Variants in WDFY2 observed in about 807,000 individuals in gnomAD.
WDFY2 encodes the protein WD repeat and FYVE domain containing 2, also known as WD repeat and FYVE domain-containing protein 2.
In WDFY2, 36 loss-of-function variants were observed where a neutral mutation model predicts 56.4. The observed-to-expected ratio is 0.64, with a 90% CI of 0.49 to 0.84. WDFY2 has a LOEUF of 0.84. Among genes scored for constraint, WDFY2 ranks in the 40% least tolerant of loss-of-function variants. The pLI is 0.00. For synonymous variants in WDFY2, 176 were observed against 183.7 expected (o/e 0.96, Z 0.34); for missense variants, 444 against 512.2 (o/e 0.87, Z 1.29).
chr13:51,715,438 T>A (rs1196513304), intron 4 of WDFY2, among the ~76,000 whole-genome samples: 2 of 152,130 alleles, frequency 1.3e-5, no homozygotes, highest in African/African-American at 4.8e-5. Flanking sequence ...CTAGGCCTAC[T>A]TAGGGTCAGG....
intron 1 of WDFY2, among the ~76,000 whole-genome samples, chr13:51,648,687 T>C (rs1179682171): frequency 6.6e-6 from 1 of 152,198 alleles, no homozygotes; most frequent in Non-Finnish European, 1.5e-5. Flanking sequence ...CTTATACCTA[T>C]GTAACAAACC....
intron 1 of WDFY2, among the ~76,000 whole-genome samples, chr13:51,595,790 C>T: frequency 6.6e-6 from 1 of 152,142 alleles, no homozygotes; most frequent in East Asian, 1.9e-4. Context: ...AAAATCAAGA[C>T]ACCTTTTATA....
At chr13:51,591,762 CCTT>C (rs1470308214) in intron 1 of WDFY2, 1 of 152,064 alleles carries the variant, frequency 6.6e-6, no homozygotes, top group Non-Finnish European at 1.5e-5. Context: ...ATGTTTTGTA[CCTT>C]CTTTTTCTCC....
At chr13:51,714,523 C>A (rs918377140) in intron 4 of WDFY2, among the ~76,000 whole-genome samples, 1 of 152,072 alleles carries the variant, frequency 6.6e-6, no homozygotes, top group Non-Finnish European at 1.5e-5. Context: ...GAACTCCTGA[C>A]CTTAGGTGAT....
At chr13:51,679,316 C>A (rs865915170) in intron 3 of WDFY2, among the ~76,000 whole-genome samples, 6 of 152,250 alleles carry the variant, frequency 3.9e-5, no homozygotes, top group African/African-American at 1.2e-4. Flanking sequence ...ATATATATAT[C>A]TTTATAAATA....
chr13:51,705,838 A>G (rs1333603697), intron 4 of WDFY2, among the ~76,000 whole-genome samples: 2 of 152,162 alleles, frequency 1.3e-5, no homozygotes, highest in Non-Finnish European at 2.9e-5. Flanking sequence ...TTTAGCCTAA[A>G]TGCTGGACTT....
At chr13:51,737,340 T>G (rs1239990403) in intron 6 of WDFY2, among the ~76,000 whole-genome samples, 1 of 152,156 alleles carries the variant, frequency 6.6e-6, no homozygotes, top group African/African-American at 2.4e-5. Flanking sequence ...AGATGTCATA[T>G]GCCTGTTTAA....
At chr13:51,585,380 G>C (rs1001435071) in intron 1 of WDFY2, among the ~76,000 whole-genome samples, 1 of 152,230 alleles carries the variant, frequency 6.6e-6, no homozygotes, top group Non-Finnish European at 1.5e-5. Flanking sequence ...GCTTCTGCGT[G>C]GTGCCTTCTT....
chr13:51,669,005 A>C (rs1481040828), intron 2 of WDFY2, among the ~76,000 whole-genome samples: 1 of 152,222 alleles, frequency 6.6e-6, no homozygotes, highest in Non-Finnish European at 1.5e-5. Context: ...TCTTAAGTAC[A>C]TGATTTTTAA....
chr13:51,758,261 A>C lies in WDFY2; in HGVS notation c.1134A>C (p.Arg378Ser). 2 of 1,602,488 alleles carry C rather than the reference A, an allele frequency of 1.2e-6. No individual in the cohort carries two copies. The highest frequency in any genetic ancestry group is 1.7e-6 in the Non-Finnish European group (2 of 1,170,958). The change falls in exon 11 of 12, where the codon AGA becomes AGC. Residue 378 changes from arginine to serine, a missense_variant. Physicochemically the swap from Arg to Ser is moderately radical, Grantham distance 110. Coordinates refer to ENST00000298125, the MANE Select transcript of WDFY2 (RefSeq NM_052950.4). ...TGCATGTGCATTTCGATGCAACCAGAGGATGGTTACTGACTTCTGGAACTG... is the reference window on the plus strand; with the variant it reads ...TGCATGTGCATTTCGATGCAACCAGCGGATGGTTACTGACTTCTGGAACTG... ...NIVHVHFDAT[R>S]GWLLTSGTDK...
intron 3 of WDFY2, among the ~76,000 whole-genome samples, chr13:51,688,812 A>G (rs1851658509): frequency 6.6e-6 from 1 of 152,282 alleles, no homozygotes; most frequent in South Asian, 2.1e-4. Flanking sequence ...AAAAGTTTTG[A>G]GCTATTTTTT....
intron 3 of WDFY2, among the ~76,000 whole-genome samples, chr13:51,690,792 A>G (rs1338399695): frequency 6.6e-6 from 1 of 152,168 alleles, no homozygotes; most frequent in East Asian, 1.9e-4. Context: ...CAACGGTTGA[A>G]CTAGTTTACA....
Position 51,622,160 on chromosome 13 carries a change from G to A in WDFY2, c.137+37336G>A, listed in dbSNP as rs551377633. ...TTAATGCGAAGCACATTTGTGCTGTGATTGCTGCAGGAGGCCATGTGCCAA... is the reference window on the plus strand; with the variant it reads ...TTAATGCGAAGCACATTTGTGCTGTAATTGCTGCAGGAGGCCATGTGCCAA... On this transcript the variant is annotated intron_variant, in intron 1 of 11. Coordinates refer to ENST00000298125, the MANE Select transcript of WDFY2 (RefSeq NM_052950.4). Among the ~76,000 whole-genome samples, 6 of 152,316 alleles carry A rather than the reference G, an allele frequency of 3.9e-5. No individual in the cohort carries two copies. In the South Asian group the frequency reaches 1.2e-3, roughly 32 times the overall value.
chr13:51,740,912 A>G (rs1202800953), intron 7 of WDFY2, among the ~76,000 whole-genome samples: 2 of 152,232 alleles, frequency 1.3e-5, no homozygotes, highest in Non-Finnish European at 2.9e-5. Context: ...TAAAGACTGC[A>G]AGCACTTTTG....
intron 5 of WDFY2, among the ~76,000 whole-genome samples, chr13:51,720,343 C>T (rs1952459979): frequency 6.6e-6 from 1 of 152,006 alleles, no homozygotes; most frequent in Non-Finnish European, 1.5e-5. Flanking sequence ...CTTAGAATGA[C>T]CATTGTGGAA....
rs12856726 is a variant in WDFY2, at chr13:51,760,483, C to T, written c.*714C>T. ...AAAAAAATGCTGTGAGAAAGCTGCTCCCAACCATGGTTATCACAGAAGTAG... is the reference window on the plus strand; with the variant it reads ...AAAAAAATGCTGTGAGAAAGCTGCTTCCAACCATGGTTATCACAGAAGTAG... On this transcript the variant is annotated 3_prime_UTR_variant, in exon 12 of 12. Transcript: ENST00000298125. 0.32 allele frequency: 48,594 copies of T among 152,002 alleles called. 9,543 individuals carry two copies. Among genetic ancestry groups the T allele is most frequent in the Middle Eastern group, 0.46 (134 of 294 alleles). 9.4% of individuals were successfully genotyped at this position (152,002 alleles called of 1,614,324 possible).
intron 1 of WDFY2, among the ~76,000 whole-genome samples, chr13:51,650,592 A>G (rs1955359321): frequency 6.6e-6 from 1 of 152,214 alleles, no homozygotes; most frequent in Admixed American, 6.5e-5. Flanking sequence ...CGTCCCATCA[A>G]TACCTAATTT....
intron 6 of WDFY2, among the ~76,000 whole-genome samples, chr13:51,731,311 C>G (rs1952718376): frequency 6.6e-6 from 1 of 152,206 alleles, no homozygotes; most frequent in African/African-American, 2.4e-5. Flanking sequence ...GACAGTAGCA[C>G]CTTCTAAGCA....
intron 1 of WDFY2, among the ~76,000 whole-genome samples, chr13:51,637,645 A>G (rs1165921210): frequency 6.6e-6 from 1 of 152,120 alleles, no homozygotes; most frequent in Admixed American, 6.5e-5. Context: ...GTTTATTAAG[A>G]AAGTAAAGTG....
Sources: gnomAD v4.1 joint callset for allele counts (sites outside exome capture counted in the v4.1 genomes callset) on GRCh38, gnomAD v4.1.1 for gene constraint, MANE v1.5 for transcripts, NCBI Gene and HGNC (gene_info 2026-07-23, HGNC 2026-07-21) for gene names.